Variants in KMT2A observed in about 807,000 individuals in gnomAD.
KMT2A encodes the protein histone-lysine N-methyltransferase 2A.
KMT2A carries 16 observed loss-of-function variants against 345.3 expected under a neutral mutation model. The ratio of observed to expected loss-of-function variants is 0.05; its 90% CI spans 0.03 to 0.07. KMT2A has a LOEUF of 0.07. Ranked by LOEUF, KMT2A falls within the 10% of genes least tolerant of loss-of-function variation. KMT2A has a pLI of 1.00. For synonymous variants in KMT2A, 1,599 were observed against 1,778.6 expected (o/e 0.90, Z 2.54); for missense variants, 3,272 against 4,841.6 (o/e 0.68, Z 9.62).
At chr11:118,444,948 CA>C (rs1292247890) in intron 1 of KMT2A, among the ~76,000 whole-genome samples, 2 of 152,184 alleles carry the variant, frequency 1.3e-5, no homozygotes, top group East Asian at 3.8e-4. Flanking sequence ...TTCATAGTCT[CA>C]TTGTGAGGCT....
chr11:118,436,997 C>T lies in KMT2A; in HGVS notation c.432+53C>T, dbSNP rs1949198786. The T allele has an allele frequency of 2.2e-6, 3 of 1,366,000 alleles. No homozygotes were observed. Among genetic ancestry groups the T allele is most frequent in the Non-Finnish European group, 2.9e-6 (3 of 1,049,344 alleles). The allele number at this position is 1,366,000 out of a possible 1,614,324, so 84.6% of individuals were successfully genotyped here. A position where few individuals can be genotyped will look rare whatever the true frequency, so the allele number is the denominator to read the frequency against. ...GGGGTCTCGACCCTCTGCGGAGCCC[C>T]CTCCCCTCCCCCATCCGGGATTGAG... On this transcript the variant is annotated intron_variant, in intron 1 of 35. Coordinates refer to ENST00000534358, the MANE Select transcript of KMT2A (RefSeq NM_001197104.2). The surrounding 1 kb of genome is among the most constrained non-coding windows in gnomAD (Gnocchi z 6.9).
In KMT2A at chr11:118,484,035, TA is replaced by T. The variant is rs200069252; in HGVS notation, c.4087-139del. 170 of 811,524 alleles carry T rather than the reference TA, an allele frequency of 2.1e-4. No homozygotes were observed. The highest frequency in any genetic ancestry group is 3.0e-4 in the Middle Eastern group (1 of 3,310). The allele number at this position is 811,524 out of a possible 1,614,324, so 50.3% of individuals were successfully genotyped here. ...CAACAAAGCAAGACCCAGTCTCTTT[TA>T]AAAAAAAATTCAAAGATTATTTGTT... On this transcript the variant is annotated intron_variant, in intron 8 of 35. Transcript: ENST00000534358. This position sits in a 1 kb window ranked among gnomAD's most constrained non-coding sequence, Gnocchi z 4.1.
chr11:118,442,956 A>G (rs1402058788), intron 1 of KMT2A, among the ~76,000 whole-genome samples: 1 of 152,208 alleles, frequency 6.6e-6, no homozygotes, highest in Non-Finnish European at 1.5e-5. Context: ...TGATCACATC[A>G]GTATGAGGTT....
chr11:118,477,553 G>A (rs1400774619), intron 4 of KMT2A, among the ~76,000 whole-genome samples: 2 of 107,156 alleles, frequency 1.9e-5, no homozygotes, highest in South Asian at 3.3e-4. Flanking sequence ...TGTTGCCCAA[G>A]CTGGAGTACA....
chr11:118,474,031 A>C lies in KMT2A; in HGVS notation c.2872A>C (p.Thr958Pro). 6.2e-7 allele frequency: 1 copy of C among 1,613,738 alleles called. No homozygotes were observed. The change falls in exon 3 of 36, where the codon ACC becomes CCC. Residue 958 changes from threonine (T) to proline (P), a missense_variant. Transcript: ENST00000534358. ...VTLGDTTAVK[T>P]KILIKKGRGN... is the part of the protein sequence containing the mutation. ...TCTTGGGGATACAACAGCTGTCAAAACCAAAATACTTATAAAGAAAGGGAG... is the reference window on the plus strand; with the variant it reads ...TCTTGGGGATACAACAGCTGTCAAACCCAAAATACTTATAAAGAAAGGGAG...
At position 118,490,747 on chromosome 11, in the gene KMT2A, G is replaced by A. The variant is rs781902954; in HGVS notation, c.4697-449G>A. Among the ~76,000 whole-genome samples, 5 of 151,986 alleles carry A rather than the reference G, an allele frequency of 3.3e-5. No individual in the cohort carries two copies. Among genetic ancestry groups the A allele is most frequent in the African/African-American group, 1.2e-4 (5 of 41,378 alleles). ...CTGTATATAAAGAAAATTTATGAAG[G>A]TTATACAGAGTACTGAATCTTAGGA... is the stretch of plus-strand genomic sequence containing the variant. On this transcript the variant is annotated intron_variant, in intron 13 of 35. Transcript: ENST00000534358. The surrounding 1 kb of genome is among the most constrained non-coding windows in gnomAD (Gnocchi z 4.2).
Position 118,497,185 on chromosome 11 carries a change from G to C in KMT2A, c.5665-751G>C, listed in dbSNP as rs574019586. On this transcript the variant is annotated intron_variant, in intron 20 of 35. Transcript: ENST00000534358. This position sits in a 1 kb window ranked among gnomAD's most constrained non-coding sequence, Gnocchi z 4.8. ...ATGCCCGGCTAATTTTGTATTTTTA[G>C]TAGAGACGGAGTTTCTCCATGTTGG... is the stretch of plus-strand genomic sequence containing the variant. Among the ~76,000 whole-genome samples, 57 of 151,812 alleles carry C rather than the reference G, an allele frequency of 3.8e-4. No individual in the cohort carries two copies. The highest frequency in any genetic ancestry group is 7.7e-4 in the Non-Finnish European group (52 of 67,966).
chr11:118,445,817 A>G lies in KMT2A; in HGVS notation c.432+8873A>G, dbSNP rs893459390. Among the ~76,000 whole-genome samples the G allele has an allele frequency of 2.0e-5, 3 of 152,328 alleles. No homozygotes were observed. In the East Asian group the frequency reaches 5.8e-4, roughly 29 times the overall value. On this transcript the variant is annotated intron_variant, in intron 1 of 35. Coordinates refer to ENST00000534358, the MANE Select transcript of KMT2A (RefSeq NM_001197104.2). ...CAGGAGTTCGAGACCAGCCTGGCTA[A>G]CATGGTGAAACCCTGTCTCTACTAA... is the stretch of plus-strand genomic sequence containing the variant.
At position 118,484,417 on chromosome 11, in the gene KMT2A, G is replaced by C. The variant is rs1555040327; in HGVS notation, c.4218+103G>C. 5.6e-6 allele frequency: 7 copies of C among 1,245,286 alleles called. No individual in the cohort carries two copies. The highest frequency in any genetic ancestry group is 6.8e-6 in the Non-Finnish European group (6 of 888,206). The allele number at this position is 1,245,286 out of a possible 1,614,324, so 77.1% of individuals were successfully genotyped here. ...TGAAAGAGGAAATCAGCACCAACTG[G>C]GGGAATGAATAAGAACTCCCATTAG... On this transcript the variant is annotated intron_variant, in intron 9 of 35. Transcript: ENST00000534358. The surrounding 1 kb of genome is among the most constrained non-coding windows in gnomAD (Gnocchi z 4.1).
intron 28 of KMT2A, 148 bp downstream of exon 28, chr11:118,507,757 C>A (rs1950611665): frequency 1.6e-6 from 1 of 616,044 alleles, no homozygotes; most frequent in South Asian, 1.8e-5. Flanking sequence ...GAGGTTAGAT[C>A]GAGACCATCC....
Position 118,503,643 on chromosome 11 carries a change from A to G in KMT2A, c.7751A>G (p.Gln2584Arg), listed in dbSNP as rs1163349953. The change falls in exon 27 of 36, where the codon CAG becomes CGG. Residue 2584 changes from glutamine (Q) to arginine (R), a missense_variant. By Grantham distance (43) the Gln-to-Arg change is conservative. Around this residue, in one of 27 missense-constraint regions of KMT2A, gnomAD observed 445 missense variants for 500.9 expected, o/e 0.89. Coordinates refer to ENST00000534358, the MANE Select transcript of KMT2A (RefSeq NM_001197104.2). This position sits in a 1 kb window ranked among gnomAD's most constrained non-coding sequence, Gnocchi z 5.3. Reference sequence around the variant, plus strand: ...CCAAGCCCCAATAATACCTCATGCCAGGATTCTCAAAGTAACAACTATCAG... The same window carrying G: ...CCAAGCCCCAATAATACCTCATGCCGGGATTCTCAAAGTAACAACTATCAG... ...AQPSPNNTSCQDSQSNNYQNL... is the reference protein window; with the variant it reads ...AQPSPNNTSCRDSQSNNYQNL... 2 of 1,614,122 alleles carry G rather than the reference A, an allele frequency of 1.2e-6. No homozygotes were observed. Among genetic ancestry groups the G allele is most frequent in the South Asian group, 1.1e-5 (1 of 91,094 alleles).
At position 118,476,662 on chromosome 11, in the gene KMT2A, A is replaced by G. The variant is rs1398047054; in HGVS notation, c.3157-143A>G. 3 of 685,312 alleles carry G rather than the reference A, an allele frequency of 4.4e-6. No homozygotes were observed. Among genetic ancestry groups the G allele is most frequent in the Non-Finnish European group, 7.2e-6 (3 of 415,788 alleles). The allele number at this position is 685,312 out of a possible 1,614,324, so 42.5% of individuals were successfully genotyped here. On this transcript the variant is annotated intron_variant, in intron 3 of 35. Transcript: ENST00000534358. The surrounding 1 kb of genome is among the most constrained non-coding windows in gnomAD (Gnocchi z 4.1). ...ACAGTAATAGTTGATTTCTGTTTTG[A>G]TATGATTTATCAGCTGGGAATAATT...
intron 31 of KMT2A, among the ~76,000 whole-genome samples, chr11:118,517,103 AAG>A (rs1950831875): frequency 6.6e-6 from 1 of 152,156 alleles, no homozygotes; most frequent in Non-Finnish European, 1.5e-5. Context: ...GTCTGTAGAA[AAG>A]AGTTTGCCAG....
intron 32 of KMT2A, 64 bp downstream of exon 32, chr11:118,519,856 A>G: frequency 6.4e-7 from 1 of 1,567,608 alleles, no homozygotes. Flanking sequence ...TGACACTGTC[A>G]TCTTCCCACA....
chr11:118,507,907 G>A, intron 28 of KMT2A: 2 of 305,862 alleles, frequency 6.5e-6, no homozygotes, highest in Non-Finnish European at 1.3e-5. Context: ...AGCTTGCAGT[G>A]AGCTGAGATC....
rs561563033 is a variant in KMT2A at position 118,526,148 on chromosome 11, A to G, written c.*3976A>G. On this transcript the variant is annotated 3_prime_UTR_variant, in exon 36 of 36. Coordinates refer to ENST00000534358, the MANE Select transcript of KMT2A (RefSeq NM_001197104.2). The stretch of plus-strand genomic sequence containing the variant: ...TCCTCTGATTCCCGAAATGGGGGGA[A>G]CCTCTAACCATAAAGGAATGGTAGA... The G allele has an allele frequency of 1.4e-3, 305 of 216,494 alleles. No individual in the cohort carries two copies. The highest frequency in any genetic ancestry group is 5.4e-3 in the African/African-American group (240 of 44,564). The allele number at this position is 216,494 out of a possible 1,614,324, so 13.4% of individuals were successfully genotyped here. A position where few individuals can be genotyped will look rare whatever the true frequency, so the allele number is the denominator to read the frequency against.
chr11:118,502,946 G>A lies in KMT2A; in HGVS notation c.7054G>A (p.Gly2352Ser), dbSNP rs201869352. 34 of 1,613,960 alleles carry A rather than the reference G, an allele frequency of 2.1e-5. No individual in the cohort carries two copies. Among genetic ancestry groups the A allele is most frequent in the African/African-American group, 1.9e-4 (14 of 74,886 alleles). ...TAGAGAACTGAATGTTAGTAAAATC[G>A]GCTCCTTTGCTGAACCCTCTTCAGT... ...TSRELNVSKI[G>S]SFAEPSSVSF... Residue 2352 changes from glycine (G) to serine (S), a missense_variant, in exon 27 of 36, where the codon GGC (glycine) becomes AGC (serine). Gly to Ser is a moderately conservative substitution (Grantham distance 56). Around this residue, in one of 27 missense-constraint regions of KMT2A, gnomAD observed 445 missense variants for 500.9 expected, o/e 0.89. Coordinates refer to ENST00000534358, the MANE Select transcript of KMT2A (RefSeq NM_001197104.2). This position sits in a 1 kb window ranked among gnomAD's most constrained non-coding sequence, Gnocchi z 4.9.
chr11:118,505,688 C>T lies in KMT2A; in HGVS notation c.9796C>T (p.Pro3266Ser). Residue 3266 changes from proline to serine, a missense_variant, in exon 27 of 36, where the codon CCT (proline) becomes TCT (serine). Physicochemically the swap from Pro to Ser is moderately conservative, Grantham distance 74. Coordinates refer to ENST00000534358, the MANE Select transcript of KMT2A (RefSeq NM_001197104.2). This position sits in a 1 kb window ranked among gnomAD's most constrained non-coding sequence, Gnocchi z 4.6. ...GATTAACTTCACACCCTCCCAGCTT[C>T]CTAATCATCCAAGTCTGTTAGATTT... ...TLINFTPSQL[P>S]NHPSLLDLGS... is the part of the protein sequence containing the mutation. 1.2e-6 allele frequency: 2 copies of T among 1,614,196 alleles called. No homozygotes were observed. Among genetic ancestry groups the T allele is most frequent in the Admixed American group, 1.7e-5 (1 of 60,022 alleles).
At chr11:118,513,826 A>G (rs1294735138) in intron 31 of KMT2A, among the ~76,000 whole-genome samples, 1 of 151,306 alleles carries the variant, frequency 6.6e-6, no homozygotes, top group African/African-American at 2.4e-5. Flanking sequence ...GGTCCCAGCT[A>G]CTTGGGAAGC....
Sources: gnomAD v4.1 joint callset for allele counts (sites outside exome capture counted in the v4.1 genomes callset) on GRCh38, gnomAD v4.1.1 for gene constraint, gnomAD v4.1.1 regional missense constraint, Gnocchi (gnomAD v3.1) non-coding constraint, MANE v1.5 for transcripts, NCBI Gene and HGNC (gene_info 2026-07-23, HGNC 2026-07-21) for gene names.